MAP4: variants seen among roughly 807,000 people sequenced by gnomAD.
MAP4 encodes microtubule associated protein 4.
MAP4 carries 76 observed loss-of-function variants against 170.2 expected under a neutral mutation model. The ratio of observed to expected loss-of-function variants is 0.45; its 90% CI spans 0.37 to 0.54. The LOEUF is 0.54. MAP4 is among the 20% of genes least tolerant of loss of function. MAP4 has a pLI of 0.00. For missense variants in MAP4, 2,506 were observed against 2,748.0 expected (o/e 0.91, Z 1.97); for synonymous variants, 909 against 994.5 (o/e 0.91, Z 1.62).
chr3:48,088,042 A>G (rs997863428), intron 1 of MAP4, among the ~76,000 whole-genome samples: 4 of 152,208 alleles, frequency 2.6e-5, no homozygotes, highest in Non-Finnish European at 5.9e-5. Flanking sequence ...CAAAACCCTC[A>G]CAACTCCTCC....
intron 3 of MAP4, among the ~76,000 whole-genome samples, chr3:47,966,708 G>A (rs982265992): frequency 6.6e-6 from 1 of 152,148 alleles, no homozygotes; most frequent in Non-Finnish European, 1.5e-5. Context: ...TGGATATCCA[G>A]TTTTCCCCTC....
chr3:48,051,867 T>C (rs1309746898), intron 1 of MAP4, among the ~76,000 whole-genome samples: 1 of 152,190 alleles, frequency 6.6e-6, no homozygotes, highest in Non-Finnish European at 1.5e-5. Flanking sequence ...AAATCGACCA[T>C]GTAAGATAAT....
rs186463646 is a variant in MAP4, at chr3:47,904,043, A to G, written c.5384-1043T>C. 4.5e-3 allele frequency among the ~76,000 whole-genome samples: 691 copies of G among 152,314 alleles called. 1 individual carries two copies. The highest frequency in any genetic ancestry group is 9.9e-3 in the South Asian group (48 of 4,826). On this transcript the variant is annotated intron_variant, in intron 9 of 20. Transcript: ENST00000683076. Reference sequence around the variant, plus strand: ...TCTATTTTATGTTTACTAATTGTCAACCTTCATCTTTTTCTTTTTAAGTAC... The same window carrying G: ...TCTATTTTATGTTTACTAATTGTCAGCCTTCATCTTTTTCTTTTTAAGTAC...
At chr3:48,003,647 C>A (rs4293721) in intron 1 of MAP4, among the ~76,000 whole-genome samples, 92,079 of 151,692 alleles carry the variant, frequency 0.61, 29,116 homozygotes, top group East Asian at 0.72. Flanking sequence ...CCCATCTTAG[C>A]CCACAGCTCA....
intron 3 of MAP4, among the ~76,000 whole-genome samples, chr3:47,949,484 A>G (rs1475210065): frequency 2.0e-5 from 3 of 151,430 alleles, no homozygotes; most frequent in African/African-American, 7.3e-5. Flanking sequence ...AAAAAAAAAA[A>G]AAAAAGAATC....
At position 47,926,506 on chromosome 3, in the gene MAP4, C is replaced by G. The variant is rs527299533; in HGVS notation, c.415+1722G>C. On this transcript the variant is annotated intron_variant, in intron 4 of 20. Coordinates refer to ENST00000683076, the MANE Select transcript of MAP4 (RefSeq NM_001385682.1). ...GCCTAAGTTACTCCATTTATCTACT[C>G]TATCTACTCTACCTATCTGTCTGTC... Among the ~76,000 whole-genome samples the G allele has an allele frequency of 2.4e-3, 367 of 152,130 alleles. 13 individuals are homozygous for G. The highest frequency in any genetic ancestry group is 0.024 in the Admixed American group (364 of 15,270).
At chr3:47,879,681 C>T (rs1193281378) in intron 10 of MAP4, among the ~76,000 whole-genome samples, 2 of 152,016 alleles carry the variant, frequency 1.3e-5, no homozygotes, top group Non-Finnish European at 2.9e-5. Flanking sequence ...GTGTAACCAC[C>T]ACCACCACCT....
At chr3:47,905,351 A>G (rs2100032342) in intron 9 of MAP4, among the ~76,000 whole-genome samples, 1 of 152,196 alleles carries the variant, frequency 6.6e-6, no homozygotes, top group Admixed American at 6.5e-5. Flanking sequence ...ATATTAAAAT[A>G]TATTAGGAAG....
At position 47,910,930 on chromosome 3, in the gene MAP4, G is replaced by A. The variant is rs2100035661; in HGVS notation, c.3491C>T (p.Ser1164Leu). Residue 1164 changes from serine to leucine, a missense_variant, in exon 9 of 21, where the codon TCA (serine) becomes TTA (leucine). By Grantham distance (145) the Ser-to-Leu change is moderately radical (BLOSUM62 -2). Around this residue, in one of 3 missense-constraint regions of MAP4, gnomAD observed 2,008 missense variants for 2,206.0 expected, o/e 0.91. Coordinates refer to ENST00000683076, the MANE Select transcript of MAP4 (RefSeq NM_001385682.1). ...AACACCAGAAGTCTGAGTCATGCCT[G>A]ATCCACTTTCCAAAGGAATCAATGC... Reference protein sequence around the residue: ...MQALIPLESGSGMTQTSGVST... With the variant: ...MQALIPLESGLGMTQTSGVST... 1.3e-6 allele frequency: 2 copies of A among 1,536,130 alleles called. No homozygotes were observed. Among genetic ancestry groups the A allele is most frequent in the East Asian group, 4.9e-5 (2 of 40,906 alleles).
intron 10 of MAP4, among the ~76,000 whole-genome samples, chr3:47,881,011 C>G (rs553553753): frequency 6.6e-6 from 1 of 152,106 alleles, no homozygotes; most frequent in African/African-American, 2.4e-5. Flanking sequence ...TGTACTTCTC[C>G]TTTTAGCTCT....
rs2100035531 is a variant in MAP4, at chr3:47,910,665, A to G, written c.3756T>C (p.Ser1252=). The change falls in exon 9 of 21, where the codon AGT becomes AGC. Residue 1252 remains serine (S), a synonymous_variant. Coordinates refer to ENST00000683076, the MANE Select transcript of MAP4 (RefSeq NM_001385682.1). ...PFEGKDGDTG[S]IPHKSKEIGF... ...CTATTTCCTTGCTTTTATGGGGAAT[A>G]CTACCAGTATCTCCATCCTTCCCTT... 6.5e-7 allele frequency: 1 copy of G among 1,535,960 alleles called. No homozygotes were observed. Among genetic ancestry groups the G allele is most frequent in the Non-Finnish European group, 8.7e-7 (1 of 1,146,866 alleles).
intron 10 of MAP4, among the ~76,000 whole-genome samples, chr3:47,884,490 C>G (rs1216192605): frequency 6.6e-6 from 1 of 152,126 alleles, no homozygotes; most frequent in African/African-American, 2.4e-5. Flanking sequence ...ATTTAGTCTA[C>G]AGGTTATGAC....
chr3:47,941,247 A>AG (rs2100056186), intron 3 of MAP4, among the ~76,000 whole-genome samples: 1 of 145,066 alleles, frequency 6.9e-6, no homozygotes, highest in African/African-American at 2.6e-5. Context: ...AAAAAAAAAA[A>AG]GGAAGAAGAA....
intron 10 of MAP4, among the ~76,000 whole-genome samples, chr3:47,900,534 G>T (rs1454651689): frequency 1.3e-5 from 2 of 152,172 alleles, no homozygotes; most frequent in African/African-American, 4.8e-5. Flanking sequence ...GCTGGAGTTT[G>T]AGACTAGCCT....
At position 47,982,102 on chromosome 3, in the gene MAP4, C is replaced by T. The variant is rs544376256; in HGVS notation, c.224-4169G>A. The stretch of plus-strand genomic sequence containing the variant: ...GAATTCGAGACCAGCCTGGTCAACA[C>T]AGTAAAGCCCATCTCTACTCTTCTT... On this transcript the variant is annotated intron_variant, in intron 2 of 20. Coordinates refer to ENST00000683076, the MANE Select transcript of MAP4 (RefSeq NM_001385682.1). Among the ~76,000 whole-genome samples, 27 of 152,210 alleles carry T rather than the reference C, an allele frequency of 1.8e-4. No homozygotes were observed. The South Asian group carries it at 5.6e-3, about 32-fold the overall frequency.
At chr3:47,915,528 T>TG (rs1177848191) in intron 7 of MAP4, among the ~76,000 whole-genome samples, 6 of 152,166 alleles carry the variant, frequency 3.9e-5, no homozygotes, top group Non-Finnish European at 7.4e-5. Context: ...GAAGAATACA[T>TG]GGGGCAATAT....
chr3:47,892,481 G>C (rs1289309381), intron 10 of MAP4: 5 of 1,529,094 alleles, frequency 3.3e-6, no homozygotes, highest in Non-Finnish European at 4.4e-6. Flanking sequence ...CTGCTTGTCT[G>C]AGAGCGACAT....
chr3:48,011,941 C>G (rs1259166223), intron 1 of MAP4, among the ~76,000 whole-genome samples: 1 of 152,160 alleles, frequency 6.6e-6, no homozygotes, highest in Non-Finnish European at 1.5e-5. Flanking sequence ...TCTAGGCAGA[C>G]AGGGGCGGGT....
intron 1 of MAP4, among the ~76,000 whole-genome samples, chr3:48,028,987 AC>A (rs1413974944): frequency 1.3e-5 from 2 of 151,742 alleles, no homozygotes; most frequent in Non-Finnish European, 2.9e-5. Context: ...GATAAAAAAT[AC>A]AAAAAAGGTT....
Sources: gnomAD v4.1 joint callset for allele counts (sites outside exome capture counted in the v4.1 genomes callset) on GRCh38, gnomAD v4.1.1 for gene constraint, gnomAD v4.1.1 regional missense constraint, MANE v1.5 for transcripts, NCBI Gene and HGNC (gene_info 2026-07-23, HGNC 2026-07-21) for gene names.